Variants in SLC8A2 observed in about 807,000 individuals in gnomAD.
SLC8A2 encodes the protein solute carrier family 8 member A2.
A neutral mutation model predicts 70.2 loss-of-function variants in SLC8A2; 14 were observed. The observed-to-expected ratio is 0.20, with a 90% CI of 0.13 to 0.31. SLC8A2 has a LOEUF of 0.31. SLC8A2 is among the 10% of genes least tolerant of loss of function. The pLI, the probability that SLC8A2 is intolerant of heterozygous loss-of-function variation, is 1.00. For synonymous variants in SLC8A2, 575 were observed against 594.3 expected (o/e 0.97, Z 0.47); for missense variants, 779 against 1,320.1 (o/e 0.59, Z 6.35).
intron 4 of SLC8A2, among the ~76,000 whole-genome samples, chr19:47,446,871 T>C (rs1476180834): frequency 2.0e-5 from 3 of 152,072 alleles, no homozygotes; most frequent in Non-Finnish European, 4.4e-5. Flanking sequence ...GTGTGGTGCG[T>C]ATAAATGGCT....
chr19:47,433,437 T>C (rs2122612351), intron 8 of SLC8A2, among the ~76,000 whole-genome samples: 1 of 152,356 alleles, frequency 6.6e-6, no homozygotes, highest in South Asian at 2.1e-4. Flanking sequence ...GCCATGTCCC[T>C]GGCTAAATAC....
intron 2 of SLC8A2, among the ~76,000 whole-genome samples, chr19:47,463,448 T>C (rs1967421566): frequency 6.8e-6 from 1 of 147,428 alleles, no homozygotes; most frequent in Admixed American, 6.7e-5. Context: ...ACCTTTTCTT[T>C]AGGCAGGGCA....
At chr19:47,459,888 C>T (rs550305702) in intron 2 of SLC8A2, among the ~76,000 whole-genome samples, 7 of 152,240 alleles carry the variant, frequency 4.6e-5, no homozygotes, top group African/African-American at 1.7e-4. Flanking sequence ...TGCCCAGCTG[C>T]CCAGGTGCCA....
rs1967048524 is a variant in SLC8A2 at position 47,437,737 on chromosome 19, G to A, written c.2010+112C>T. 9 of 1,340,950 alleles carry A rather than the reference G, an allele frequency of 6.7e-6. No homozygotes were observed. In the East Asian group the frequency reaches 1.8e-4, roughly 27 times the overall value. The allele number at this position is 1,340,950 out of a possible 1,614,324, so 83.1% of individuals were successfully genotyped here. ...CATGTGCTGTCCGTGGTCCTGACGT[G>A]GGACCCTTCTTTGGCTTGATCTTAG... On this transcript the variant is annotated intron_variant, in intron 7 of 9. Coordinates refer to ENST00000236877, the MANE Select transcript of SLC8A2 (RefSeq NM_015063.3).
chr19:47,439,895 C>G (rs1285082215), intron 6 of SLC8A2, among the ~76,000 whole-genome samples: 1 of 152,150 alleles, frequency 6.6e-6, no homozygotes, highest in Non-Finnish European at 1.5e-5. Flanking sequence ...AACTCCTGAC[C>G]TTAAGTGATC....
intron 4 of SLC8A2, among the ~76,000 whole-genome samples, chr19:47,445,993 G>A (rs1967156896): frequency 6.6e-6 from 1 of 152,196 alleles, no homozygotes; most frequent in South Asian, 2.1e-4. Context: ...GCGAGGTGCT[G>A]GGGACAGACA....
intron 2 of SLC8A2, among the ~76,000 whole-genome samples, chr19:47,457,798 C>T (rs1967331404): frequency 8.7e-5 from 1 of 11,502 alleles, no homozygotes; most frequent in African/African-American, 1.8e-4. Context: ...TTTCTTTTCT[C>T]TTCCTTCCTT....
chr19:47,431,179 C>G (rs1966953375), intron 9 of SLC8A2, among the ~76,000 whole-genome samples: 1 of 151,868 alleles, frequency 6.6e-6, no homozygotes, highest in Non-Finnish European at 1.5e-5. Context: ...CAGGCATGCG[C>G]CACCACGTCC....
In SLC8A2 at chr19:47,447,370, C is replaced by T. The variant is rs1425073043; in HGVS notation, c.1763+439G>A. 4.4e-6 allele frequency: 1 copy of T among 228,608 alleles called. No homozygotes were observed. The highest frequency in any genetic ancestry group is 2.4e-5 in the African/African-American group (1 of 42,012). 14.2% of individuals were successfully genotyped at this position (228,608 alleles called of 1,614,324 possible). Reference sequence around the variant, plus strand: ...ACCAATTAAGGCCCCACACCGCTCTCCCCAGGCCCCGTCCCATCTCTCCTC... The same window carrying T: ...ACCAATTAAGGCCCCACACCGCTCTTCCCAGGCCCCGTCCCATCTCTCCTC... On this transcript the variant is annotated intron_variant, in intron 4 of 9. Coordinates refer to ENST00000236877, the MANE Select transcript of SLC8A2 (RefSeq NM_015063.3). The surrounding 1 kb of genome is among the most constrained non-coding windows in gnomAD (Gnocchi z 5.1).
intron 3 of SLC8A2, among the ~76,000 whole-genome samples, chr19:47,450,248 C>T (rs1466587303): frequency 2.6e-5 from 4 of 152,112 alleles, no homozygotes; most frequent in South Asian, 2.1e-4. Context: ...TGGGGCCGGG[C>T]GCGGTGGCTC....
In SLC8A2 at chr19:47,456,937, C is replaced by G. The variant is rs1178005950; in HGVS notation, c.1333G>C (p.Glu445Gln). 4.4e-6 allele frequency: 7 copies of G among 1,604,996 alleles called. No individual in the cohort carries two copies. Among genetic ancestry groups the G allele is most frequent in the Non-Finnish European group, 6.0e-6 (7 of 1,175,910 alleles). ...DGSAKAGSDY[E>Q]YSEGTLVFKP... ...CCACCCCGGGGGACCCACCTGTACT[C>G]GTAGTCGGAGCCCGCCTTGGCAGAG... Residue 445 changes from glutamate (E) to glutamine (Q), a missense_variant, in exon 3 of 10, where the codon GAG (glutamate) becomes CAG (glutamine). This residue lies in a region of SLC8A2 where 18 missense variants were observed against 61.3 expected (regional missense o/e 0.29). Transcript: ENST00000236877.
chr19:47,444,645 C>T (rs1316307812), intron 4 of SLC8A2, among the ~76,000 whole-genome samples: 1 of 152,162 alleles, frequency 6.6e-6, no homozygotes, highest in East Asian at 1.9e-4. Context: ...AGACATGCTG[C>T]GATCCGCTGA....
At chr19:47,463,679 CAAAA>C (rs200422472) in intron 2 of SLC8A2, among the ~76,000 whole-genome samples, 3 of 120,116 alleles carry the variant, frequency 2.5e-5, no homozygotes, top group Non-Finnish European at 5.5e-5. Context: ...GACTCTGTCT[CAAAA>C]AAAAAAAAAA....
intron 2 of SLC8A2, among the ~76,000 whole-genome samples, chr19:47,463,193 C>T (rs1419182506): frequency 2.0e-5 from 3 of 151,632 alleles, no homozygotes; most frequent in East Asian, 4.0e-4. Context: ...AGTGCAGCGG[C>T]GCGATCTTGG....
intron 3 of SLC8A2, among the ~76,000 whole-genome samples, chr19:47,455,696 G>T (rs889211777): frequency 1.3e-5 from 2 of 152,162 alleles, no homozygotes; most frequent in Admixed American, 1.3e-4. Flanking sequence ...ATGGACAGAA[G>T]AACTACAAAT....
intron 4 of SLC8A2, among the ~76,000 whole-genome samples, chr19:47,446,999 A>C (rs1967171249): frequency 6.6e-6 from 1 of 151,762 alleles, no homozygotes; most frequent in South Asian, 2.1e-4. Context: ...GTGTCTCCCC[A>C]GGCCCTGCCC....
At chr19:47,459,030 C>T (rs1230014335) in intron 2 of SLC8A2, among the ~76,000 whole-genome samples, 3 of 150,524 alleles carry the variant, frequency 2.0e-5, no homozygotes, top group Non-Finnish European at 4.4e-5. Context: ...TCCCGTTCCT[C>T]TCCATCTCTG....
chr19:47,457,586 C>T lies in SLC8A2; in HGVS notation c.684G>A (p.Glu228=). 1.3e-6 allele frequency: 2 copies of T among 1,551,690 alleles called. No individual in the cohort carries two copies. The highest frequency in any genetic ancestry group is 1.2e-5 in the South Asian group (1 of 83,022). ...VFSPGVVQVW[E]ALLTLVFFPV... The stretch of plus-strand genomic sequence containing the variant: ...GGAAGAAGACCAGGGTCAGCAGCGC[C>T]TCCCACACCTGCGGGCGGCGGGCGT... The change falls in exon 3 of 10, where the codon GAG becomes GAA. Residue 228 remains glutamate, a synonymous_variant. Coordinates refer to ENST00000236877, the MANE Select transcript of SLC8A2 (RefSeq NM_015063.3).
chr19:47,456,304 T>C (rs1236913269), intron 3 of SLC8A2, among the ~76,000 whole-genome samples: 2 of 152,178 alleles, frequency 1.3e-5, no homozygotes. Context: ...ACCTGGCACA[T>C]GGTAGGTGCC....
Sources: gnomAD v4.1 joint callset for allele counts (sites outside exome capture counted in the v4.1 genomes callset) on GRCh38, gnomAD v4.1.1 for gene constraint, gnomAD v4.1.1 regional missense constraint, Gnocchi (gnomAD v3.1) non-coding constraint, MANE v1.5 for transcripts, NCBI Gene and HGNC (gene_info 2026-07-23, HGNC 2026-07-21) for gene names.